The following ZDHHC21 variants were observed in gnomAD, a reference collection of about 807,000 sequenced individuals.
ZDHHC21 encodes palmitoyltransferase ZDHHC21.
A neutral mutation model predicts 34.6 loss-of-function variants in ZDHHC21; 15 were observed. That is an observed-to-expected ratio of 0.43 (90% CI 0.29 to 0.67). The LOEUF is 0.67. ZDHHC21 is among the 30% of genes least tolerant of loss of function. The pLI is 0.14. For synonymous variants in ZDHHC21, 142 were observed against 101.8 expected (o/e 1.40, Z -2.38); for missense variants, 344 against 327.7 (o/e 1.05, Z -0.38).
chr9:14,633,252 C>A (rs975393418), intron 8 of ZDHHC21, among the ~76,000 whole-genome samples: 1 of 152,110 alleles, frequency 6.6e-6, no homozygotes, highest in Non-Finnish European at 1.5e-5. Flanking sequence ...GAAACACCAT[C>A]CTAAAGCAAG....
chr9:14,639,888 A>G lies in ZDHHC21; in HGVS notation c.621+8T>C. On this transcript the variant is annotated splice_region_variant and intron_variant, in intron 8 of 9. Coordinates refer to ENST00000380916, the MANE Select transcript of ZDHHC21 (RefSeq NM_178566.6). ...ATAAATGTTACTTTACATTAAAAAT[A>G]TACTTACTGTGATGATGCCAATTAG... 6.9e-7 allele frequency: 1 copy of G among 1,444,132 alleles called. No homozygotes were observed. Among genetic ancestry groups the G allele is most frequent in the Non-Finnish European group, 9.5e-7 (1 of 1,052,792 alleles). 89.5% of individuals were successfully genotyped at this position (1,444,132 alleles called of 1,614,324 possible).
intron 6 of ZDHHC21, among the ~76,000 whole-genome samples, chr9:14,661,571 G>C (rs1833402117): frequency 6.6e-6 from 1 of 152,156 alleles, no homozygotes. Context: ...TTTAAAATGA[G>C]ATACAATACA....
intron 7 of ZDHHC21, among the ~76,000 whole-genome samples, chr9:14,656,676 G>C (rs1564312871): frequency 6.6e-6 from 1 of 151,838 alleles, no homozygotes; most frequent in Non-Finnish European, 1.5e-5. Context: ...AGCACTACTA[G>C]ACACAAGTAA....
chr9:14,635,016 G>T (rs1170649434), intron 8 of ZDHHC21, among the ~76,000 whole-genome samples: 1 of 151,838 alleles, frequency 6.6e-6, no homozygotes, highest in African/African-American at 2.4e-5. Flanking sequence ...ACAAACTGAA[G>T]AATTCATTAA....
At chr9:14,670,267 A>G (rs899051874) in intron 5 of ZDHHC21, among the ~76,000 whole-genome samples, 2 of 152,136 alleles carry the variant, frequency 1.3e-5, no homozygotes, top group African/African-American at 4.8e-5. Flanking sequence ...AGAAGAGAGC[A>G]CTTGGCAATA....
At chr9:14,650,389 A>G (rs552002610) in intron 7 of ZDHHC21, among the ~76,000 whole-genome samples, 11 of 152,092 alleles carry the variant, frequency 7.2e-5, no homozygotes, top group African/African-American at 2.6e-4. Flanking sequence ...TAATTCCACA[A>G]TACTCTTGGC....
chr9:14,680,823 A>G (rs1837248221), intron 2 of ZDHHC21, among the ~76,000 whole-genome samples: 1 of 152,208 alleles, frequency 6.6e-6, no homozygotes, highest in African/African-American at 2.4e-5. Context: ...ACAAGTTAAG[A>G]CAGAGAGCAA....
At chr9:14,687,575 G>A (rs941616941) in intron 2 of ZDHHC21, among the ~76,000 whole-genome samples, 1 of 150,772 alleles carries the variant, frequency 6.6e-6, no homozygotes, top group African/African-American at 2.5e-5. Flanking sequence ...GGAGGCTGAG[G>A]CACGAGAATC....
chr9:14,688,449 G>C (rs569987750), intron 2 of ZDHHC21, among the ~76,000 whole-genome samples: 1 of 150,818 alleles, frequency 6.6e-6, no homozygotes, highest in East Asian at 1.9e-4. Flanking sequence ...AATACCCCAG[G>C]GCCTGCTCTT....
intron 7 of ZDHHC21, among the ~76,000 whole-genome samples, chr9:14,645,093 T>C (rs1830065054): frequency 6.6e-6 from 1 of 152,050 alleles, no homozygotes. Context: ...TCTGACAAAA[T>C]CTTTTTTCTT....
intron 2 of ZDHHC21, among the ~76,000 whole-genome samples, chr9:14,682,809 T>G (rs1837611716): frequency 1.3e-5 from 2 of 152,152 alleles, no homozygotes; most frequent in African/African-American, 4.8e-5. Flanking sequence ...TCAGCAAATG[T>G]GAAAGAACAG....
At position 14,693,299 on chromosome 9, in the gene ZDHHC21, C is replaced by T. The variant is rs1486896574; in HGVS notation, c.-295G>A. On this transcript the variant is annotated 5_prime_UTR_variant, in exon 1 of 10. Coordinates refer to ENST00000380916, the MANE Select transcript of ZDHHC21 (RefSeq NM_178566.6). ...CAGCAGCTCTTTCCCCTCCTCCTGC[C>T]GCGCCACCTCCGCCTCCTCCGGCGC... is the stretch of plus-strand genomic sequence containing the variant. 7.2e-6 allele frequency: 3 copies of T among 418,722 alleles called. No homozygotes were observed. The highest frequency in any genetic ancestry group is 2.2e-5 in the African/African-American group (1 of 45,720). 25.9% of individuals were successfully genotyped at this position (418,722 alleles called of 1,614,324 possible).
chr9:14,607,270 A>G (rs1823042131), downstream of ZDHHC21, among the ~76,000 whole-genome samples: 1 of 152,078 alleles, frequency 6.6e-6, no homozygotes, highest in Non-Finnish European at 1.5e-5. Context: ...CCACATGGCA[A>G]AATCCCGACT....
chr9:14,683,088 G>T (rs1837665041), intron 2 of ZDHHC21, among the ~76,000 whole-genome samples: 3 of 152,108 alleles, frequency 2.0e-5, no homozygotes. Context: ...AAGCAGGGAA[G>T]ATCTAAAATT....
chr9:14,634,114 GA>G (rs1347941276), intron 8 of ZDHHC21, among the ~76,000 whole-genome samples: 3 of 152,212 alleles, frequency 2.0e-5, no homozygotes, highest in Non-Finnish European at 4.4e-5. Context: ...GCTGGCACCT[GA>G]ACACTCCTCT....
At chr9:14,658,930 A>G in intron 6 of ZDHHC21, 43 bp from the exon 7 acceptor site, 8 of 1,579,524 alleles carry the variant, frequency 5.1e-6, no homozygotes, top group South Asian at 1.2e-5. Flanking sequence ...TTAAATTTCA[A>G]GAAGTTCACC....
Position 14,614,943 on chromosome 9 carries a change from G to A in ZDHHC21, c.*4023C>T, listed in dbSNP as rs1823919199. ...AAAGTAACTATAGGTTATTAAACTT[G>A]GTAAACTTGAGCTAAGTAATCTATT... On this transcript the variant is annotated 3_prime_UTR_variant, in exon 10 of 10. Transcript: ENST00000380916. The A allele has an allele frequency of 6.6e-6, 1 of 151,576 alleles. No individual in the cohort carries two copies. The highest frequency in any genetic ancestry group is 2.1e-4 in the South Asian group (1 of 4,834). The allele number at this position is 151,576 out of a possible 1,614,324, so 9.4% of individuals were successfully genotyped here.
the ZDHHC21 span, among the ~76,000 whole-genome samples, chr9:14,605,077 T>C: frequency 2.0e-5 from 3 of 152,170 alleles, no homozygotes; most frequent in African/African-American, 7.2e-5. Context: ...CCATTGTACG[T>C]ATATACTAAA....
At chr9:14,677,668 T>C (rs1420224418) in intron 3 of ZDHHC21, among the ~76,000 whole-genome samples, 1 of 152,112 alleles carries the variant, frequency 6.6e-6, no homozygotes, top group African/African-American at 2.4e-5. Context: ...TTAAGATTGC[T>C]ATCTGGTAAC....
Sources: gnomAD v4.1 joint callset for allele counts (sites outside exome capture counted in the v4.1 genomes callset) on GRCh38, gnomAD v4.1.1 for gene constraint, MANE v1.5 for transcripts, NCBI Gene and HGNC (gene_info 2026-07-23, HGNC 2026-07-21) for gene names.